The following FAM117B variants were observed in gnomAD, a reference collection of about 807,000 sequenced individuals.
FAM117B encodes the protein family with sequence similarity 117 member B, also known as protein FAM117B.
In FAM117B, 22 loss-of-function variants were observed where a neutral mutation model predicts 52.8. That is an observed-to-expected ratio of 0.42 (90% confidence interval 0.30 to 0.59). FAM117B has a LOEUF of 0.59. Ranked by LOEUF, FAM117B falls within the 20% of genes least tolerant of loss-of-function variation. FAM117B has a pLI of 0.22. For synonymous variants in FAM117B, 309 were observed against 324.1 expected (o/e 0.95, Z 0.50); for missense variants, 678 against 802.6 (o/e 0.84, Z 1.88).
At chr2:202,670,709 T>C (rs371929276) in intron 1 of FAM117B, among the ~76,000 whole-genome samples, 90 of 152,178 alleles carry the variant, frequency 5.9e-4, no homozygotes, top group East Asian at 1.3e-3. Flanking sequence ...CAACTCCAGC[T>C]AGAAAAATTA....
At chr2:202,731,332 A>AATATAT (rs35255766) in intron 4 of FAM117B, among the ~76,000 whole-genome samples, 1,463 of 30,682 alleles carry the variant, frequency 0.048, 110 homozygotes, top group South Asian at 0.11. Context: ...GAGAAATTGG[A>AATATAT]ATATATATAT....
chr2:202,687,314 G>C (rs1690556716), intron 1 of FAM117B, among the ~76,000 whole-genome samples: 1 of 152,206 alleles, frequency 6.6e-6, no homozygotes, highest in South Asian at 2.1e-4. Context: ...CTTCAAAGGA[G>C]CGTGAAAAAT....
chr2:202,645,724 C>T (rs1317807141), intron 1 of FAM117B, among the ~76,000 whole-genome samples: 1 of 151,988 alleles, frequency 6.6e-6, no homozygotes, highest in Admixed American at 6.6e-5. Context: ...CTGCCTCAGC[C>T]TCCCGAGTAG....
intron 1 of FAM117B, among the ~76,000 whole-genome samples, chr2:202,695,488 TCA>T (rs1317399351): frequency 6.6e-6 from 1 of 152,164 alleles, no homozygotes; most frequent in Non-Finnish European, 1.5e-5. Flanking sequence ...TGGAGCCCTC[TCA>T]ATCGTTGGAT....
chr2:202,669,354 G>T (rs924011646), intron 1 of FAM117B, among the ~76,000 whole-genome samples: 1 of 152,056 alleles, frequency 6.6e-6, no homozygotes, highest in African/African-American at 2.4e-5. Context: ...GTGTGGGTGG[G>T]GCTACTTATT....
chr2:202,707,175 A>G (rs1334205607), intron 2 of FAM117B, among the ~76,000 whole-genome samples: 1 of 151,782 alleles, frequency 6.6e-6, no homozygotes. Context: ...CCAGGTAGCT[A>G]AGACTACAGG....
In FAM117B at chr2:202,635,066, C is replaced by T; in HGVS notation, c.-122C>T. Reference sequence around the variant, plus strand: ...CCCGGCCCGGTCTCCCCCTGCACCCCGGAGTCCGGCTTCGTCACCCCGTCT... The same window carrying T: ...CCCGGCCCGGTCTCCCCCTGCACCCTGGAGTCCGGCTTCGTCACCCCGTCT... On this transcript the variant is annotated 5_prime_UTR_variant, in exon 1 of 8. Transcript: ENST00000392238. 1.4e-5 allele frequency: 17 copies of T among 1,219,880 alleles called. No individual in the cohort carries two copies. Among genetic ancestry groups the T allele is most frequent in the Non-Finnish European group, 1.8e-5 (17 of 971,230 alleles). 75.6% of individuals were successfully genotyped at this position (1,219,880 alleles called of 1,614,324 possible).
rs373620054 is a variant in FAM117B at position 202,710,657 on chromosome 2, TTCTA to T, written c.754-14255_754-14252del. 2.7e-4 allele frequency among the ~76,000 whole-genome samples: 41 copies of T among 152,272 alleles called. 1 individual carries two copies. Among genetic ancestry groups the T allele is most frequent in the African/African-American group, 9.4e-4 (39 of 41,564 alleles). On this transcript the variant is annotated intron_variant, in intron 2 of 7. Transcript: ENST00000392238. The stretch of plus-strand genomic sequence containing the variant: ...TTGTGCTATCAAATACTAGATCTTA[TTCTA>T]TCTAACTATATTTTTTGTACCCATT...
intron 1 of FAM117B, among the ~76,000 whole-genome samples, chr2:202,659,923 C>T (rs1010277287): frequency 1.3e-5 from 2 of 151,842 alleles, no homozygotes; most frequent in Non-Finnish European, 2.9e-5. Context: ...CCGGCCACCA[C>T]CGTGCTCATT....
intron 1 of FAM117B, among the ~76,000 whole-genome samples, chr2:202,693,896 A>G (rs991571035): frequency 6.6e-6 from 1 of 152,238 alleles, no homozygotes; most frequent in South Asian, 2.1e-4. Flanking sequence ...AAAGTTGATC[A>G]TTAATTTTGA....
At chr2:202,757,178 A>G in intron 5 of FAM117B, 35 bp from the exon 6 acceptor site, 1 of 1,587,604 alleles carries the variant, frequency 6.3e-7, no homozygotes. Context: ...GAAATTAATT[A>G]TAAATATACC....
Position 202,635,099 on chromosome 2 carries a change from C to G in FAM117B, c.-89C>G. The G allele has an allele frequency of 5.6e-6, 7 of 1,249,498 alleles. No individual in the cohort carries two copies. Among genetic ancestry groups the G allele is most frequent in the Non-Finnish European group, 7.0e-6 (7 of 996,034 alleles). The allele number at this position is 1,249,498 out of a possible 1,614,324, so 77.4% of individuals were successfully genotyped here. A position where few individuals can be genotyped will look rare whatever the true frequency, so the allele number is the denominator to read the frequency against. On this transcript the variant is annotated 5_prime_UTR_variant, in exon 1 of 8. Transcript: ENST00000392238. ...GGCTTCGTCACCCCGTCTTGGGGGG[C>G]CTGCCCTCCGGCCTCGAGAATCCTC...
At chr2:202,652,657 GGTAGA>G (rs1194928468) in intron 1 of FAM117B, among the ~76,000 whole-genome samples, 1 of 152,094 alleles carries the variant, frequency 6.6e-6, no homozygotes, top group Non-Finnish European at 1.5e-5. Flanking sequence ...TTGGGTGATT[GGTAGA>G]GTAGAGATCT....
intron 1 of FAM117B, among the ~76,000 whole-genome samples, chr2:202,680,255 G>C (rs1214052780): frequency 1.3e-5 from 2 of 152,012 alleles, no homozygotes; most frequent in East Asian, 3.9e-4. Flanking sequence ...AGAAGGAAGA[G>C]CCACAAAAAA....
chr2:202,752,407 A>G (rs1691738677), intron 4 of FAM117B, among the ~76,000 whole-genome samples: 1 of 146,210 alleles, frequency 6.8e-6, no homozygotes, highest in Non-Finnish European at 1.5e-5. Context: ...TGTATTTATT[A>G]TGCTTTTTCT....
chr2:202,707,980 G>A (rs1311429627), intron 2 of FAM117B, among the ~76,000 whole-genome samples: 1 of 151,980 alleles, frequency 6.6e-6, no homozygotes, highest in African/African-American at 2.4e-5. Context: ...ATGTTGGCCA[G>A]GCTGGTCTCG....
In FAM117B at chr2:202,765,553, C is replaced by G. The variant is rs1691962226; in HGVS notation, c.1559C>G (p.Pro520Arg). ...TTCTGCCTCGTCAGCATCCTCAAGC[C>G]ACTCCTTCCTACCCCGGATCTTACA... ...SAFCLVSILK[P>R]LLPTPDLTLK... Residue 520 changes from proline to arginine, a missense_variant, in exon 8 of 8, where the codon CCA becomes CGA. Physicochemically the swap from Pro to Arg is moderately radical, Grantham distance 103. Around this residue, in one of 3 missense-constraint regions of FAM117B, gnomAD observed 27 missense variants for 77.3 expected, o/e 0.35. Coordinates refer to ENST00000392238, the MANE Select transcript of FAM117B (RefSeq NM_173511.4). 1 of 1,614,016 alleles carries G rather than the reference C, an allele frequency of 6.2e-7. No homozygotes were observed. The highest frequency in any genetic ancestry group is 1.3e-5 in the African/African-American group (1 of 74,886).
At chr2:202,695,720 G>T (rs1690699725) in intron 1 of FAM117B, among the ~76,000 whole-genome samples, 161 bp from the exon 2 acceptor site, 1 of 152,170 alleles carries the variant, frequency 6.6e-6, no homozygotes, top group Admixed American at 6.6e-5. Context: ...AGTACAATGT[G>T]CCATTTCAGG....
intron 2 of FAM117B, among the ~76,000 whole-genome samples, chr2:202,697,653 C>T (rs749937763): frequency 3.3e-5 from 5 of 151,042 alleles, no homozygotes; most frequent in Non-Finnish European, 4.4e-5. Context: ...CGGATTCAAG[C>T]GATTCTCATG....
Sources: allele counts gnomAD v4.1 joint callset (sites outside exome capture counted in the v4.1 genomes callset), GRCh38; gene constraint gnomAD v4.1.1; regional missense constraint gnomAD v4.1.1; transcripts MANE v1.5; gene names NCBI Gene and HGNC (gene_info 2026-07-23, HGNC 2026-07-21).